Variants in SLC7A14 observed in about 807,000 individuals in gnomAD.
The protein encoded by SLC7A14 is solute carrier family 7 member 14, also known as gamma-aminobutyric acid transporter SLC7A14.
SLC7A14 carries 37 observed loss-of-function variants against 60.2 expected under a neutral mutation model. The ratio of observed to expected loss-of-function variants is 0.61; its 90% CI spans 0.47 to 0.81. The LOEUF is 0.81. Among genes scored for constraint, SLC7A14 ranks in the 30% least tolerant of loss-of-function variants. The probability of loss-of-function intolerance (pLI) is 0.00; values close to 1 mark genes in which losing one functional copy is unlikely to be tolerated. For missense variants in SLC7A14, 886 were observed against 982.7 expected, an observed-to-expected ratio of 0.90 and a Z score of 1.32; for synonymous variants, 399 against 395.8, an observed-to-expected ratio of 1.01 and a Z score of -0.10.
At chr3:170,537,063 C>T (rs1369537169) in intron 1 of SLC7A14, among the ~76,000 whole-genome samples, 1 of 152,182 alleles carries the variant, frequency 6.6e-6, no homozygotes, top group South Asian at 2.1e-4. Context: ...AATGCTATCA[C>T]ATATCTCACA....
At chr3:170,481,308 C>T in intron 6 of SLC7A14, 142 bp from the exon 7 acceptor site, 1 of 814,508 alleles carries the variant, frequency 1.2e-6, no homozygotes, top group South Asian at 2.0e-5. Context: ...CTTCTGCATT[C>T]ACTACTTTAA....
chr3:170,468,910 T>C (rs1739800109), intron 7 of SLC7A14, among the ~76,000 whole-genome samples: 1 of 152,244 alleles, frequency 6.6e-6, no homozygotes, highest in Non-Finnish European at 1.5e-5. Flanking sequence ...TGAACCACTC[T>C]GATACCCTAG....
chr3:170,528,941 T>C (rs573984275), intron 1 of SLC7A14, among the ~76,000 whole-genome samples: 1 of 152,370 alleles, frequency 6.6e-6, no homozygotes, highest in African/African-American at 2.4e-5. Context: ...ACACCTGTTA[T>C]GTGCCAAGCA....
rs1471295172 is a variant in SLC7A14, at chr3:170,462,360, T to C, written c.*4695A>G. The C allele has an allele frequency of 6.6e-6, 1 of 152,208 alleles. No homozygotes were observed. Among genetic ancestry groups the C allele is most frequent in the East Asian group, 1.9e-4 (1 of 5,202 alleles). 9.4% of individuals were successfully genotyped at this position (152,208 alleles called of 1,614,324 possible). A position where few individuals can be genotyped will look rare whatever the true frequency, so the allele number is the denominator to read the frequency against. On this transcript the variant is annotated 3_prime_UTR_variant, in exon 8 of 8. Transcript: ENST00000231706. ...ATTTGTCTTCCAATAAAAGAAAGGATGTCAGGTTTACCAACCCTTTTCAGC... is the reference window on the plus strand; with the variant it reads ...ATTTGTCTTCCAATAAAAGAAAGGACGTCAGGTTTACCAACCCTTTTCAGC...
At chr3:170,488,586 T>C (rs957232623) in intron 4 of SLC7A14, among the ~76,000 whole-genome samples, 5 of 152,158 alleles carry the variant, frequency 3.3e-5, no homozygotes, top group African/African-American at 1.2e-4. Context: ...GCCAAGAACA[T>C]TCACTGGGGA....
In SLC7A14 at chr3:170,467,318, C is replaced by G. The variant is rs1254997333; in HGVS notation, c.2053G>C (p.Glu685Gln). The change falls in exon 8 of 8, where the codon GAA becomes CAA. Residue 685 changes from glutamate to glutamine, a missense_variant. Glu to Gln is a conservative substitution (Grantham distance 29). Transcript: ENST00000231706. ...WNSTLEISAR[E>Q]EALHQSTYQR... ...TACGTGCTTTGGTGCAGGGCCTCTT[C>G]TCGAGCGCTGATTTCCAGGGTGCTG... 6.2e-7 allele frequency: 1 copy of G among 1,613,524 alleles called. No individual in the cohort carries two copies. Among genetic ancestry groups the G allele is most frequent in the Non-Finnish European group, 8.5e-7 (1 of 1,179,714 alleles).
chr3:170,554,484 C>G (rs1480194824), intron 1 of SLC7A14, among the ~76,000 whole-genome samples: 1 of 152,216 alleles, frequency 6.6e-6, no homozygotes, highest in Admixed American at 6.5e-5. Context: ...ATTTCCTTTT[C>G]CCAGCTGGGT....
intron 2 of SLC7A14, among the ~76,000 whole-genome samples, chr3:170,514,721 A>G (rs978027633): frequency 5.9e-5 from 9 of 152,198 alleles, no homozygotes; most frequent in Middle Eastern, 3.4e-3. Context: ...TTTTTTTGCT[A>G]GCGGCGGACT....
chr3:170,514,006 A>G (rs1208476416), intron 2 of SLC7A14, among the ~76,000 whole-genome samples: 1 of 152,044 alleles, frequency 6.6e-6, no homozygotes, highest in East Asian at 1.9e-4. Flanking sequence ...TTATTTATCC[A>G]TCTCCATCTG....
intron 2 of SLC7A14, among the ~76,000 whole-genome samples, chr3:170,523,511 A>G (rs1713402784): frequency 6.6e-6 from 1 of 152,172 alleles, no homozygotes; most frequent in Admixed American, 6.5e-5. Flanking sequence ...AGCACAGTTT[A>G]GTCTTCCTTT....
intron 5 of SLC7A14, among the ~76,000 whole-genome samples, chr3:170,484,384 C>T (rs1711948143): frequency 1.3e-5 from 2 of 152,200 alleles, no homozygotes; most frequent in Non-Finnish European, 2.9e-5. Flanking sequence ...CACTGGCATG[C>T]ATGTGCATCG....
chr3:170,483,225 C>A, intron 6 of SLC7A14, 89 bp downstream of exon 6: 1 of 1,478,696 alleles, frequency 6.8e-7, no homozygotes, highest in South Asian at 1.2e-5. Flanking sequence ...GCACTGATGT[C>A]AAAATCACAG....
chr3:170,542,529 GTCA>G (rs1424668645), intron 1 of SLC7A14, among the ~76,000 whole-genome samples: 10 of 152,152 alleles, frequency 6.6e-5, no homozygotes, highest in African/African-American at 2.2e-4. Flanking sequence ...TTTTGCTGAG[GTCA>G]TCAACAGCTA....
In SLC7A14 at chr3:170,527,063, T is replaced by G. The variant is rs1713531318; in HGVS notation, c.-127A>C. ...TTAGGAAAGGCCCAGAGGGACCCAG[T>G]GCAGCCTTCTCCTGGGCATGAATGT... On this transcript the variant is annotated 5_prime_UTR_variant, in exon 2 of 8. Coordinates refer to ENST00000231706, the MANE Select transcript of SLC7A14 (RefSeq NM_020949.3). The G allele has an allele frequency of 1.0e-6, 1 of 978,020 alleles. No individual in the cohort carries two copies. The highest frequency in any genetic ancestry group is 1.5e-6 in the Non-Finnish European group (1 of 679,670). 60.6% of individuals were successfully genotyped at this position (978,020 alleles called of 1,614,324 possible).
chr3:170,576,568 G>A (rs1217501335), intron 1 of SLC7A14, among the ~76,000 whole-genome samples: 1 of 152,242 alleles, frequency 6.6e-6, no homozygotes, highest in African/African-American at 2.4e-5. Flanking sequence ...TCATACTTCT[G>A]AACAATAACT....
intron 1 of SLC7A14, among the ~76,000 whole-genome samples, chr3:170,560,442 G>A (rs927326556): frequency 1.3e-5 from 2 of 152,148 alleles, no homozygotes; most frequent in Non-Finnish European, 2.9e-5. Flanking sequence ...CAATGGTTAG[G>A]AGCAAGCAAC....
chr3:170,522,452 A>T (rs894705329), intron 2 of SLC7A14, among the ~76,000 whole-genome samples: 3 of 152,282 alleles, frequency 2.0e-5, no homozygotes, highest in African/African-American at 7.2e-5. Flanking sequence ...GATACTACTC[A>T]GCAAGAAAAT....
intron 2 of SLC7A14, among the ~76,000 whole-genome samples, chr3:170,510,436 A>G (rs546501982): frequency 2.0e-5 from 3 of 151,844 alleles, no homozygotes; most frequent in African/African-American, 7.2e-5. Flanking sequence ...AATGTAACCA[A>G]CCTATCTGTT....
intron 1 of SLC7A14, among the ~76,000 whole-genome samples, chr3:170,553,503 A>G (rs1714406204): frequency 1.3e-5 from 2 of 152,368 alleles, no homozygotes; most frequent in African/African-American, 2.4e-5. Flanking sequence ...CATCATTGCA[A>G]CAATAGAAAG....
Sources: gnomAD v4.1 joint callset for allele counts (sites outside exome capture counted in the v4.1 genomes callset) on GRCh38, gnomAD v4.1.1 for gene constraint, MANE v1.5 for transcripts, NCBI Gene and HGNC (gene_info 2026-07-23, HGNC 2026-07-21) for gene names.